TBCE: variants seen among roughly 807,000 people sequenced by gnomAD.
The protein encoded by TBCE is tubulin-specific chaperone E.
In TBCE, 53 loss-of-function variants were observed where a neutral mutation model predicts 77.0. The observed-to-expected ratio is 0.69, with a 90% CI of 0.55 to 0.87. The LOEUF (loss-of-function observed/expected upper bound fraction) is 0.87, where lower values mean the gene tolerates loss of function less well. Among genes scored for constraint, TBCE ranks in the 40% least tolerant of loss-of-function variants. The probability of loss-of-function intolerance (pLI) is 0.00; values close to 1 mark genes in which losing one functional copy is unlikely to be tolerated. For synonymous variants in TBCE, 235 were observed against 241.3 expected (o/e 0.97, Z 0.24); for missense variants, 624 against 622.4 (o/e 1.00, Z -0.03).
intron 2 of TBCE, among the ~76,000 whole-genome samples, chr1:235,390,074 C>T (rs935946280): frequency 5.3e-5 from 8 of 150,726 alleles, no homozygotes; most frequent in Non-Finnish European, 1.0e-4. Context: ...TGCAGTGAGA[C>T]GAAATGGCAT....
chr1:235,434,173 C>T (rs764495573), intron 7 of TBCE, 31 bp from the exon 8 acceptor site: 53 of 1,610,028 alleles, frequency 3.3e-5, no homozygotes, highest in East Asian at 4.5e-5. Context: ...CAGCAGAGGC[C>T]GCCTGAGCCT....
intron 3 of TBCE, among the ~76,000 whole-genome samples, chr1:235,404,153 TG>T (rs1679282299): frequency 6.6e-6 from 1 of 152,042 alleles, no homozygotes; most frequent in South Asian, 2.1e-4. Flanking sequence ...GGCGGGCGCC[TG>T]TAGTCCCAGC....
intron 11 of TBCE, 98 bp from the exon 12 acceptor site, chr1:235,437,224 T>C: frequency 1.4e-6 from 2 of 1,474,370 alleles, no homozygotes; most frequent in Non-Finnish European, 9.4e-7. Context: ...CTGCCTCAGA[T>C]TAGAACTAGG....
At position 235,414,959 on chromosome 1, in the gene TBCE, C is replaced by A. The variant is rs1680029452; in HGVS notation, c.371+341C>A. On this transcript the variant is annotated intron_variant, in intron 4 of 16. Coordinates refer to ENST00000642610, the MANE Select transcript of TBCE (RefSeq NM_003193.5). Reference sequence around the variant, plus strand: ...GATGATGGTAAGTTGGGAATGGAAACAGCAGTCTGAATTGTTCCCTATGCC... The same window carrying A: ...GATGATGGTAAGTTGGGAATGGAAAAAGCAGTCTGAATTGTTCCCTATGCC... 3.2e-5 allele frequency: 11 copies of A among 346,170 alleles called. 1 individual carries two copies. The highest frequency in any genetic ancestry group is 2.6e-4 in the South Asian group (11 of 41,940). 21.4% of individuals were successfully genotyped at this position (346,170 alleles called of 1,614,324 possible).
intron 6 of TBCE, among the ~76,000 whole-genome samples, chr1:235,428,547 G>A (rs1181212955): frequency 2.0e-5 from 3 of 152,102 alleles, no homozygotes; most frequent in Non-Finnish European, 4.4e-5. Flanking sequence ...TGCTTCGCTA[G>A]TAGACATTTT....
chr1:235,385,788 C>G (rs1375837346), intron 2 of TBCE, among the ~76,000 whole-genome samples: 2 of 152,126 alleles, frequency 1.3e-5, no homozygotes, highest in Admixed American at 1.3e-4. Flanking sequence ...CAGTCTGTGT[C>G]TTTTAATTGG....
chr1:235,405,935 C>T (rs905966321), intron 3 of TBCE, among the ~76,000 whole-genome samples: 17 of 152,018 alleles, frequency 1.1e-4, no homozygotes, highest in Non-Finnish European at 1.5e-4. Context: ...ATATGCGGTC[C>T]ATTGTTGATC....
chr1:235,387,891 T>C (rs1211338472), intron 2 of TBCE, among the ~76,000 whole-genome samples: 1 of 152,144 alleles, frequency 6.6e-6, no homozygotes, highest in Non-Finnish European at 1.5e-5. Context: ...AATAAAAGAA[T>C]GGCTACTCCA....
intron 4 of TBCE, among the ~76,000 whole-genome samples, chr1:235,418,279 GAAT>G (rs1680212162): frequency 6.6e-6 from 1 of 152,148 alleles, no homozygotes; most frequent in South Asian, 2.1e-4. Context: ...TGACTACCAG[GAAT>G]AATGCTGCTG....
intron 2 of TBCE, among the ~76,000 whole-genome samples, chr1:235,394,418 C>CTTTTTTTTTTTTTTTTTTTTTTTTT: frequency 1.4e-5 from 1 of 72,314 alleles, no homozygotes; most frequent in Non-Finnish European, 2.4e-5. Context: ...TTGATAATTT[C>CTTTTTTTTTTTTTTTTTTTTTTTTT]TTTTTTTTTT....
chr1:235,434,074 A>G (rs1681269738), intron 7 of TBCE, 130 bp from the exon 8 acceptor site: 4 of 825,400 alleles, frequency 4.8e-6, no homozygotes, highest in Non-Finnish European at 8.5e-6. Context: ...AAACAGTCTT[A>G]TGAACTGTCC....
intron 5 of TBCE, among the ~76,000 whole-genome samples, chr1:235,426,521 C>G (rs1196683531): frequency 3.3e-5 from 5 of 152,286 alleles, no homozygotes; most frequent in Non-Finnish European, 5.9e-5. Context: ...CAAAGTTACC[C>G]TCACTGCTTT....
chr1:235,386,745 T>A (rs1225913643), intron 2 of TBCE, among the ~76,000 whole-genome samples: 1 of 152,212 alleles, frequency 6.6e-6, no homozygotes, highest in African/African-American at 2.4e-5. Context: ...TTGGTTTGAA[T>A]TTCCTCCTGT....
intron 1 of TBCE, among the ~76,000 whole-genome samples, chr1:235,372,832 G>C (rs950347651): frequency 6.6e-6 from 1 of 151,192 alleles, no homozygotes; most frequent in African/African-American, 2.4e-5. Flanking sequence ...GCTGAGGCAG[G>C]AGAATGGCGT....
intron 5 of TBCE, among the ~76,000 whole-genome samples, chr1:235,424,507 T>G (rs868046289): frequency 8.6e-5 from 13 of 151,436 alleles, no homozygotes; most frequent in South Asian, 8.4e-4. Flanking sequence ...TTTTTGTTTT[T>G]TTTTTTTCTT....
chr1:235,430,239 GAAAT>G (rs1681009638), intron 6 of TBCE: 1 of 156,366 alleles, frequency 6.4e-6, no homozygotes, highest in Admixed American at 6.3e-5. Flanking sequence ...AGGGTTTTGA[GAAAT>G]AATTTAAGGG....
intron 5 of TBCE, among the ~76,000 whole-genome samples, chr1:235,426,570 G>A (rs1680725015): frequency 6.6e-6 from 1 of 152,138 alleles, no homozygotes; most frequent in Non-Finnish European, 1.5e-5. Flanking sequence ...GGATGGTTTA[G>A]CGTTATGACA....
intron 4 of TBCE, among the ~76,000 whole-genome samples, chr1:235,418,276 C>T (rs1331689322): frequency 1.3e-5 from 2 of 152,270 alleles, no homozygotes; most frequent in African/African-American, 4.8e-5. Context: ...TCTTGACTAC[C>T]AGGAATAATG....
At chr1:235,394,418 C>CTTTTTTTTTTT (rs386370043) in intron 2 of TBCE, among the ~76,000 whole-genome samples, 2 of 72,314 alleles carry the variant, frequency 2.8e-5, no homozygotes, top group African/African-American at 5.5e-5. Flanking sequence ...TTGATAATTT[C>CTTTTTTTTTTT]TTTTTTTTTT....
Sources: gnomAD v4.1 joint callset for allele counts (sites outside exome capture counted in the v4.1 genomes callset) on GRCh38, gnomAD v4.1.1 for gene constraint, MANE v1.5 for transcripts, NCBI Gene and HGNC (gene_info 2026-07-23, HGNC 2026-07-21) for gene names.